The following PHLPP1 variants were observed in gnomAD, a reference collection of about 807,000 sequenced individuals.
PHLPP1 encodes the protein PH domain leucine-rich repeat-containing protein phosphatase 1.
A neutral mutation model predicts 117.2 loss-of-function variants in PHLPP1; 42 were observed. The ratio of observed to expected loss-of-function variants is 0.36; its 90% CI spans 0.28 to 0.46. The LOEUF (loss-of-function observed/expected upper bound fraction) is 0.46. Among genes scored for constraint, PHLPP1 ranks in the 20% least tolerant of loss-of-function variants. The pLI, the probability that PHLPP1 is intolerant of heterozygous loss-of-function variation, is 1.00. For synonymous variants in PHLPP1, 1,042 were observed against 970.7 expected, an observed-to-expected ratio of 1.07 and a Z score of -1.37; for missense variants, 2,084 against 2,241.9, an observed-to-expected ratio of 0.93 and a Z score of 1.42.
intron 11 of PHLPP1, among the ~76,000 whole-genome samples, chr18:62,943,931 T>C (rs1910202994): frequency 6.6e-6 from 1 of 152,204 alleles, no homozygotes; most frequent in Non-Finnish European, 1.5e-5. Flanking sequence ...GATACCACAC[T>C]GGATGTATAT....
intron 2 of PHLPP1, among the ~76,000 whole-genome samples, chr18:62,835,559 T>C (rs1386729835): frequency 6.6e-6 from 1 of 152,100 alleles, no homozygotes; most frequent in Non-Finnish European, 1.5e-5. Context: ...TTTAGATGTT[T>C]GATAAATACC....
intron 1 of PHLPP1, among the ~76,000 whole-genome samples, chr18:62,767,993 G>C (rs138351097): frequency 6.6e-6 from 1 of 152,190 alleles, no homozygotes. Flanking sequence ...GAGAGTTGAC[G>C]TGAGGCTCAA....
chr18:62,761,403 C>T (rs900205143), intron 1 of PHLPP1, among the ~76,000 whole-genome samples: 1 of 151,742 alleles, frequency 6.6e-6, no homozygotes, highest in African/African-American at 2.4e-5. Context: ...GAGGCCGAGG[C>T]GGGCAGATCA....
At chr18:62,832,485 G>C (rs1027781754) in intron 2 of PHLPP1, among the ~76,000 whole-genome samples, 5 of 152,182 alleles carry the variant, frequency 3.3e-5, no homozygotes, top group African/African-American at 1.2e-4. Flanking sequence ...CAGCAGATCC[G>C]GTTATAATTA....
intron 4 of PHLPP1, among the ~76,000 whole-genome samples, chr18:62,889,131 G>C (rs564119328): frequency 6.6e-6 from 1 of 152,292 alleles, no homozygotes; most frequent in East Asian, 1.9e-4. Flanking sequence ...GATACGTTCA[G>C]ATCAAGAACT....
intron 10 of PHLPP1, among the ~76,000 whole-genome samples, chr18:62,940,077 C>T (rs971212644): frequency 6.6e-6 from 1 of 152,052 alleles, no homozygotes; most frequent in Non-Finnish European, 1.5e-5. Flanking sequence ...ATGTACTGAG[C>T]ACTGTCTCTT....
At chr18:62,916,820 C>G (rs1909296082) in intron 9 of PHLPP1, among the ~76,000 whole-genome samples, 2 of 117,750 alleles carry the variant, frequency 1.7e-5, no homozygotes, top group Non-Finnish European at 3.2e-5. Context: ...GTGGTGCGAT[C>G]TTGGCTCACT....
chr18:62,772,830 C>CAAAAAA (rs59776161), intron 1 of PHLPP1, among the ~76,000 whole-genome samples: 34 of 61,020 alleles, frequency 5.6e-4, no homozygotes, highest in South Asian at 3.5e-3. Flanking sequence ...GACTCTTTCT[C>CAAAAAA]AAAAAAAAAA....
chr18:62,766,256 G>A (rs1271460611), intron 1 of PHLPP1, among the ~76,000 whole-genome samples: 1 of 150,112 alleles, frequency 6.7e-6, no homozygotes, highest in Non-Finnish European at 1.5e-5. Context: ...GCAACTTGAG[G>A]TTCCTTGGTG....
intron 1 of PHLPP1, among the ~76,000 whole-genome samples, chr18:62,810,618 G>T (rs186761511): frequency 6.6e-6 from 1 of 152,152 alleles, no homozygotes. Context: ...ATATGTACGT[G>T]GTTTCTTTCT....
In PHLPP1 at chr18:62,897,181, T is replaced by C. The variant is rs78671619; in HGVS notation, c.2444+1170T>C. ...CTGACCTCAGGTAGTAAGAATGAGA[T>C]GATTTCTGAGTTACCTGGTACATGT... is the stretch of plus-strand genomic sequence containing the variant. On this transcript the variant is annotated intron_variant, in intron 6 of 16. Transcript: ENST00000262719. Among the ~76,000 whole-genome samples, 870 of 152,322 alleles carry C rather than the reference T, an allele frequency of 5.7e-3. 13 individuals carry two copies. The highest frequency in any genetic ancestry group is 0.02 in the African/African-American group (827 of 41,576).
chr18:62,894,970 T>TA, intron 4 of PHLPP1, 41 bp from the exon 5 acceptor site: 1 of 1,481,666 alleles, frequency 6.7e-7, no homozygotes, highest in Non-Finnish European at 9.3e-7. Flanking sequence ...GTTAATGACA[T>TA]TTGTCTCTTT....
intron 1 of PHLPP1, among the ~76,000 whole-genome samples, chr18:62,785,667 C>T (rs1048570242): frequency 5.3e-5 from 8 of 152,184 alleles, no homozygotes; most frequent in Admixed American, 2.6e-4. Flanking sequence ...TCTCCGCTGC[C>T]CACTGTGCTG....
intron 14 of PHLPP1, among the ~76,000 whole-genome samples, chr18:62,964,499 G>A (rs915155342): frequency 6.6e-6 from 1 of 152,160 alleles, no homozygotes; most frequent in Non-Finnish European, 1.5e-5. Flanking sequence ...CTGACACATT[G>A]ATCTTTTCCC....
chr18:62,953,571 C>T (rs888711528), intron 12 of PHLPP1, among the ~76,000 whole-genome samples: 9 of 152,178 alleles, frequency 5.9e-5, no homozygotes, highest in African/African-American at 2.2e-4. Context: ...TTGTTTATTT[C>T]CCCCCACTAT....
intron 1 of PHLPP1, among the ~76,000 whole-genome samples, chr18:62,735,606 A>C (rs545254517): frequency 5.2e-5 from 7 of 135,204 alleles, no homozygotes; most frequent in South Asian, 4.4e-4. Context: ...ACAACAACAA[A>C]ACCAGTTGAC....
At chr18:62,915,682 C>T (rs1279262459) in intron 9 of PHLPP1, among the ~76,000 whole-genome samples, 1 of 152,162 alleles carries the variant, frequency 6.6e-6, no homozygotes, top group Non-Finnish European at 1.5e-5. Context: ...AGTGACTAGC[C>T]ATGCAGTTAG....
At chr18:62,856,948 A>C (rs954705105) in intron 3 of PHLPP1, among the ~76,000 whole-genome samples, 9 of 151,482 alleles carry the variant, frequency 5.9e-5, no homozygotes, top group Non-Finnish European at 1.0e-4. Context: ...TTTTCTCTGT[A>C]GTGCTTACCA....
At chr18:62,846,309 C>T (rs1915182327) in intron 3 of PHLPP1, among the ~76,000 whole-genome samples, 1 of 149,784 alleles carries the variant, frequency 6.7e-6, no homozygotes, top group Non-Finnish European at 1.5e-5. Flanking sequence ...TCTGTAGTGA[C>T]AAGAAAAGTT....
Sources: gnomAD v4.1 joint callset for allele counts (sites outside exome capture counted in the v4.1 genomes callset) on GRCh38, gnomAD v4.1.1 for gene constraint, MANE v1.5 for transcripts, NCBI Gene and HGNC (gene_info 2026-07-23, HGNC 2026-07-21) for gene names.